HCN1: variants seen among roughly 807,000 people sequenced by gnomAD.
The protein encoded by HCN1 is hyperpolarization activated cyclic nucleotide gated potassium channel 1.
In HCN1, 13 loss-of-function variants were observed where a neutral mutation model predicts 78.9. The ratio of observed to expected loss-of-function variants is 0.16; its 90% CI spans 0.11 to 0.26. The LOEUF (loss-of-function observed/expected upper bound fraction) is 0.26, where lower values mean the gene tolerates loss of function less well. HCN1 is among the 10% of genes least tolerant of loss of function. The pLI, the probability that HCN1 is intolerant of heterozygous loss-of-function variation, is 1.00. For synonymous variants in HCN1, 552 were observed against 455.5 expected, an observed-to-expected ratio of 1.21 and a Z score of -2.70; for missense variants, 810 against 1,154.3, an observed-to-expected ratio of 0.70 and a Z score of 4.32.
At chr5:45,405,504 C>A (rs1051905994) in intron 3 of HCN1, among the ~76,000 whole-genome samples, 1 of 152,070 alleles carries the variant, frequency 6.6e-6, no homozygotes, top group African/African-American at 2.4e-5. Context: ...AACTTCTAGG[C>A]TCAAGTGACC....
In HCN1 at chr5:45,465,755, GA is replaced by G. The variant is rs202183213; in HGVS notation, c.850-3749del. The stretch of plus-strand genomic sequence containing the variant: ...GAGTGACAAAGTGAGACTTTGATGT[GA>G]AAAAAAAAAGTTTTTAAACAACTCT... On this transcript the variant is annotated intron_variant, in intron 2 of 7. Transcript: ENST00000303230. Among the ~76,000 whole-genome samples, 254 of 148,482 alleles carry G rather than the reference GA, an allele frequency of 1.7e-3. 1 individual carries two copies. The highest frequency in any genetic ancestry group is 1.0e-2 in the South Asian group (47 of 4,702).
rs375062909 is a variant in HCN1, at chr5:45,649,460, T to G, written c.426-3852A>C. 1.6e-4 allele frequency among the ~76,000 whole-genome samples: 25 copies of G among 152,282 alleles called. 2 individuals are homozygous for G. Among genetic ancestry groups the G allele is most frequent in the African/African-American group, 5.8e-4 (24 of 41,574 alleles). Reference sequence around the variant, plus strand: ...GCCCACAGTTTACATTAGGATTCACTGTTGGTGTACATTCTATGGTTTGGG... The same window carrying G: ...GCCCACAGTTTACATTAGGATTCACGGTTGGTGTACATTCTATGGTTTGGG... On this transcript the variant is annotated intron_variant, in intron 1 of 7. Coordinates refer to ENST00000303230, the MANE Select transcript of HCN1 (RefSeq NM_021072.4).
At chr5:45,502,756 T>A (rs1032214043) in intron 2 of HCN1, among the ~76,000 whole-genome samples, 1 of 152,186 alleles carries the variant, frequency 6.6e-6, no homozygotes, top group Non-Finnish European at 1.5e-5. Context: ...TAGCTATTAA[T>A]AATGATAAAT....
At chr5:45,413,521 T>G (rs958916536) in intron 3 of HCN1, among the ~76,000 whole-genome samples, 3 of 152,086 alleles carry the variant, frequency 2.0e-5, no homozygotes, top group Non-Finnish European at 2.9e-5. Context: ...TATTCAGATT[T>G]GTTTTTGGTT....
chr5:45,577,859 G>T (rs190861166), intron 2 of HCN1, among the ~76,000 whole-genome samples: 1 of 151,992 alleles, frequency 6.6e-6, no homozygotes, highest in Non-Finnish European at 1.5e-5. Flanking sequence ...TTAAGAAAAT[G>T]ATATTGTTGC....
chr5:45,590,170 T>C (rs1744330628), intron 2 of HCN1, among the ~76,000 whole-genome samples: 1 of 152,218 alleles, frequency 6.6e-6, no homozygotes, highest in African/African-American at 2.4e-5. Flanking sequence ...TTAATGCTAG[T>C]TAATTTCCAA....
intron 2 of HCN1, among the ~76,000 whole-genome samples, chr5:45,484,257 C>T (rs1741714037): frequency 6.6e-6 from 1 of 151,954 alleles, no homozygotes; most frequent in Admixed American, 6.6e-5. Context: ...ACGGTGAAAC[C>T]TGCTTCTACT....
intron 2 of HCN1, among the ~76,000 whole-genome samples, chr5:45,470,688 T>C (rs1181869117): frequency 6.6e-6 from 1 of 151,954 alleles, no homozygotes; most frequent in African/African-American, 2.4e-5. Context: ...TTAAAAGTAA[T>C]AAGCCTTATT....
chr5:45,501,592 C>T (rs770625959), intron 2 of HCN1, among the ~76,000 whole-genome samples: 2 of 152,088 alleles, frequency 1.3e-5, no homozygotes, highest in African/African-American at 2.4e-5. Context: ...AGGCACCCGC[C>T]ACCACGCCCG....
chr5:45,282,076 T>C (rs1321236022), intron 6 of HCN1, among the ~76,000 whole-genome samples: 1 of 152,178 alleles, frequency 6.6e-6, no homozygotes, highest in Admixed American at 6.5e-5. Flanking sequence ...TACTGTCACA[T>C]AGGACTATCA....
chr5:45,453,177 C>T (rs2111603610), intron 3 of HCN1, among the ~76,000 whole-genome samples: 1 of 152,092 alleles, frequency 6.6e-6, no homozygotes, highest in East Asian at 1.9e-4. Flanking sequence ...AGAATGATAA[C>T]CTTGAACTCT....
chr5:45,526,664 C>CT (rs567356932), intron 2 of HCN1, among the ~76,000 whole-genome samples: 264 of 152,182 alleles, frequency 1.7e-3, no homozygotes, highest in African/African-American at 6.0e-3. Context: ...TTGCTCCTAT[C>CT]TTGCAGATAC....
chr5:45,581,959 C>A (rs1378846318), intron 2 of HCN1, among the ~76,000 whole-genome samples: 1 of 152,156 alleles, frequency 6.6e-6, no homozygotes, highest in Non-Finnish European at 1.5e-5. Flanking sequence ...TAGTGTGATG[C>A]CTCCAGCTTT....
chr5:45,389,744 G>T (rs1469898420), intron 4 of HCN1, among the ~76,000 whole-genome samples: 1 of 152,046 alleles, frequency 6.6e-6, no homozygotes, highest in Admixed American at 6.6e-5. Flanking sequence ...TACTTAATGG[G>T]CTCAAATTCC....
intron 3 of HCN1, among the ~76,000 whole-genome samples, chr5:45,456,309 A>C (rs867526048): frequency 1.3e-5 from 2 of 152,044 alleles, no homozygotes; most frequent in Admixed American, 6.6e-5. Flanking sequence ...AAGACCACTT[A>C]AATAGATAAC....
intron 4 of HCN1, among the ~76,000 whole-genome samples, chr5:45,355,976 C>G (rs546903742): frequency 4.6e-5 from 7 of 151,850 alleles, no homozygotes; most frequent in Non-Finnish European, 1.0e-4. Context: ...TTCTTTTTGT[C>G]TGTTTCTCCC....
At chr5:45,271,399 C>CAG (rs1020492843) in intron 6 of HCN1, among the ~76,000 whole-genome samples, 2 of 150,672 alleles carry the variant, frequency 1.3e-5, no homozygotes, top group African/African-American at 4.9e-5. Context: ...CACACACACA[C>CAG]ACAGACACAG....
intron 5 of HCN1, among the ~76,000 whole-genome samples, chr5:45,308,160 T>G (rs1417381374): frequency 6.6e-6 from 1 of 152,102 alleles, no homozygotes; most frequent in Non-Finnish European, 1.5e-5. Flanking sequence ...TCATGTCCTC[T>G]CTCATCATGT....
In HCN1 at chr5:45,544,867, G is replaced by C. The variant is rs1443482153; in HGVS notation, c.850-82860C>G. Among the ~76,000 whole-genome samples the C allele has an allele frequency of 2.0e-5, 3 of 152,106 alleles. No homozygotes were observed. The East Asian group carries it at 5.8e-4, about 30-fold the overall frequency. ...TCTATCACTGATGGACATTTGGACTGGTTCCAAGTCTTTGCTATTGTGAAT... is the reference window on the plus strand; with the variant it reads ...TCTATCACTGATGGACATTTGGACTCGTTCCAAGTCTTTGCTATTGTGAAT... On this transcript the variant is annotated intron_variant, in intron 2 of 7. Coordinates refer to ENST00000303230, the MANE Select transcript of HCN1 (RefSeq NM_021072.4).
Sources: gnomAD v4.1 joint callset for allele counts (sites outside exome capture counted in the v4.1 genomes callset) on GRCh38, gnomAD v4.1.1 for gene constraint, MANE v1.5 for transcripts, NCBI Gene and HGNC (gene_info 2026-07-23, HGNC 2026-07-21) for gene names.